Variants in RADIL observed in about 807,000 individuals in gnomAD.
RADIL encodes the protein Rap associating with DIL domain.
RADIL carries 99 observed loss-of-function variants against 97.6 expected under a neutral mutation model. The ratio of observed to expected loss-of-function variants is 1.01; its 90% CI spans 0.86 to 1.20. The LOEUF (loss-of-function observed/expected upper bound fraction) is 1.20, where lower values mean the gene tolerates loss of function less well. Ranked by LOEUF, RADIL falls within the 50% of genes most tolerant of loss-of-function variation. The pLI, the probability that RADIL is intolerant of heterozygous loss-of-function variation, is 0.00. For missense variants in RADIL, 1,765 were observed against 1,498.9 expected (o/e 1.18, Z -2.93); for synonymous variants, 803 against 691.8 (o/e 1.16, Z -2.52).
rs56177809 is a variant in RADIL at position 4,847,739 on chromosome 7, C to CAAAAAAAAAAAAAAAAAAAAAAAAAAAAA, written c.536-11135_536-11134insTTTTTTTTTTTTTTTTTTTTTTTTTTTTT. ...TATGCTACGTGAAAAAAGCTAGATG[C>CAAAAAAAAAAAAAAAAAAAAAAAAAAAAA]AAAAAAAAAAAAAAAAAAAAAAAAA... On this transcript the variant is annotated intron_variant, in intron 2 of 14. Transcript: ENST00000399583. 1.3e-4 allele frequency among the ~76,000 whole-genome samples: 3 copies of CAAAAAAAAAAAAAAAAAAAAAAAAAAAAA among 23,794 alleles called. 1 individual carries two copies. Among genetic ancestry groups the CAAAAAAAAAAAAAAAAAAAAAAAAAAAAA allele is most frequent in the Admixed American group, 7.7e-4 (1 of 1,296 alleles). The allele number at this position is 23,794 out of a possible 152,430, so 15.6% of individuals were successfully genotyped here. A position where few individuals can be genotyped will look rare whatever the true frequency, so the allele number is the denominator to read the frequency against.
chr7:4,800,239 A>G lies in RADIL; in HGVS notation c.2914T>C (p.Cys972Arg), dbSNP rs746382490. The part of the protein sequence containing the change: ...SSRSSSTEDF[C>R]YVFTVELERG... ...TCCAGCTCCACCGTGAAGACGTAGCAGAAGTCCTCGGTGCTGGAGCTGCGG... is the reference window on the plus strand; with the variant it reads ...TCCAGCTCCACCGTGAAGACGTAGCGGAAGTCCTCGGTGCTGGAGCTGCGG... The change falls in exon 13 of 15, where the codon TGC becomes CGC. Residue 972 changes from cysteine to arginine, a missense_variant. Cys to Arg is a radical substitution (Grantham distance 180, BLOSUM62 -3). Transcript: ENST00000399583. 10 of 1,596,616 alleles carry G rather than the reference A, an allele frequency of 6.3e-6. No individual in the cohort carries two copies. Among genetic ancestry groups the G allele is most frequent in the Admixed American group, 3.5e-5 (2 of 57,178 alleles).
chr7:4,835,367 T>TG lies in RADIL; in HGVS notation c.784-129dup. The TG allele has an allele frequency of 8.1e-7, 1 of 1,230,008 alleles. No individual in the cohort carries two copies. Among genetic ancestry groups the TG allele is most frequent in the African/African-American group, 1.5e-5 (1 of 67,154 alleles). 76.2% of individuals were successfully genotyped at this position (1,230,008 alleles called of 1,614,324 possible). On this transcript the variant is annotated intron_variant, in intron 3 of 14. Transcript: ENST00000399583. This position sits in a 1 kb window ranked among gnomAD's most constrained non-coding sequence, Gnocchi z 5.8. ...TGTCGCCACGGGCTCTCCATGTCCC[T>TG]GGCCACCCCCACACCAGAACCCCGA...
Position 4,846,123 on chromosome 7 carries a change from CTTTTT to C in RADIL, c.536-9523_536-9519del, listed in dbSNP as rs548251052. Reference sequence around the variant, plus strand: ...TCTTTTGTTCCAGAGCTACAATCTTCTTTTTTTTTTTTTTTTTTTTTTAAAGAGAC... The same window carrying C: ...TCTTTTGTTCCAGAGCTACAATCTTCTTTTTTTTTTTTTTTTTAAAGAGAC... On this transcript the variant is annotated intron_variant, in intron 2 of 14. Coordinates refer to ENST00000399583, the MANE Select transcript of RADIL (RefSeq NM_018059.5). Among the ~76,000 whole-genome samples, 1,176 of 143,578 alleles carry C rather than the reference CTTTTT, an allele frequency of 8.2e-3. 20 individuals carry two copies. Among genetic ancestry groups the C allele is most frequent in the African/African-American group, 0.023 (934 of 39,934 alleles). The allele number at this position is 143,578 out of a possible 152,430, so 94.2% of individuals were successfully genotyped here.
chr7:4,799,575 TC>T, intron 14 of RADIL, 54 bp downstream of exon 14: 1 of 1,607,080 alleles, frequency 6.2e-7, no homozygotes, highest in Non-Finnish European at 8.5e-7. Context: ...CCAGGTCCAC[TC>T]CCCTGAGCAG....
Position 4,857,934 on chromosome 7 carries a change from T to C in RADIL, c.535+19671A>G, listed in dbSNP as rs188215866. On this transcript the variant is annotated intron_variant, in intron 2 of 14. Transcript: ENST00000399583. ...AAAAAGTCCCAAGGTTCCAGCTTGG[T>C]AAAACAGACACAGTTACAGGTAATG... 1.8e-4 allele frequency: 27 copies of C among 152,736 alleles called. No homozygotes were observed. In the East Asian group the frequency reaches 4.6e-3, roughly 26 times the overall value. 9.5% of individuals were successfully genotyped at this position (152,736 alleles called of 1,614,324 possible). A position where few individuals can be genotyped will look rare whatever the true frequency, so the allele number is the denominator to read the frequency against.
In RADIL at chr7:4,867,615, A is replaced by G. The variant is rs1470523452; in HGVS notation, c.535+9990T>C. On this transcript the variant is annotated intron_variant, in intron 2 of 14. Transcript: ENST00000399583. This position sits in a 1 kb window ranked among gnomAD's most constrained non-coding sequence, Gnocchi z 4.1. ...GGCAACATAGTGAGGCCCTGTCTCTATTTTTAAAATAAATAAGTAAATAAA... is the reference window on the plus strand; with the variant it reads ...GGCAACATAGTGAGGCCCTGTCTCTGTTTTTAAAATAAATAAGTAAATAAA... Among the ~76,000 whole-genome samples the G allele has an allele frequency of 2.0e-5, 3 of 151,426 alleles. No individual in the cohort carries two copies. Among genetic ancestry groups the G allele is most frequent in the African/African-American group, 7.4e-5 (3 of 40,744 alleles).
intron 2 of RADIL, among the ~76,000 whole-genome samples, chr7:4,856,410 T>C (rs1028113200): frequency 3.9e-5 from 6 of 152,228 alleles, no homozygotes; most frequent in African/African-American, 1.2e-4. Context: ...GCACCCGGCC[T>C]GTTGATCTTT....
At chr7:4,875,258 G>GC (rs1784348908) in intron 2 of RADIL, among the ~76,000 whole-genome samples, 2 of 131,840 alleles carry the variant, frequency 1.5e-5, no homozygotes, top group African/African-American at 7.5e-5. Flanking sequence ...GGGCGTGGTG[G>GC]TGGTGCATGC....
chr7:4,835,546 C>T lies in RADIL; in HGVS notation c.784-307G>A, dbSNP rs189530380. 2.2e-4 allele frequency among the ~76,000 whole-genome samples: 34 copies of T among 152,286 alleles called. No homozygotes were observed. In the East Asian group the frequency reaches 5.6e-3, roughly 25 times the overall value. ...GGGAAACAGGCACTGGTTCTACAGA[C>T]CGGGCCAAGGACTACATAACTTCCC... On this transcript the variant is annotated intron_variant, in intron 3 of 14. Transcript: ENST00000399583. The surrounding 1 kb of genome is among the most constrained non-coding windows in gnomAD (Gnocchi z 5.8).
chr7:4,873,336 CACAT>C lies in RADIL; in HGVS notation c.535+4265_535+4268del, dbSNP rs1784297695. Among the ~76,000 whole-genome samples, 1 of 152,228 alleles carries C rather than the reference CACAT, an allele frequency of 6.6e-6. No homozygotes were observed. Among genetic ancestry groups the C allele is most frequent in the African/African-American group, 2.4e-5 (1 of 41,460 alleles). The stretch of plus-strand genomic sequence containing the variant: ...TCGTTAACACAAACGTACATGGTCA[CACAT>C]GCATGCACACACATGCACACCACAC... On this transcript the variant is annotated intron_variant, in intron 2 of 14. Transcript: ENST00000399583. The surrounding 1 kb of genome is among the most constrained non-coding windows in gnomAD (Gnocchi z 4.3).
At chr7:4,864,286 C>G (rs543259228) in intron 2 of RADIL, among the ~76,000 whole-genome samples, 1 of 152,252 alleles carries the variant, frequency 6.6e-6, no homozygotes, top group African/African-American at 2.4e-5. Context: ...GGCCAGTCCT[C>G]AGTCAAATTT....
At position 4,873,497 on chromosome 7, in the gene RADIL, G is replaced by A. The variant is rs146315164; in HGVS notation, c.535+4108C>T. 2.0e-5 allele frequency among the ~76,000 whole-genome samples: 3 copies of A among 152,294 alleles called. No individual in the cohort carries two copies. Among genetic ancestry groups the A allele is most frequent in the South Asian group, 2.1e-4 (1 of 4,830 alleles). On this transcript the variant is annotated intron_variant, in intron 2 of 14. Transcript: ENST00000399583. The surrounding 1 kb of genome is among the most constrained non-coding windows in gnomAD (Gnocchi z 4.3). The stretch of plus-strand genomic sequence containing the variant: ...CACCAGGGATCAGGGACAGCCCCAC[G>A]CTGGGTCCTCTTGGGAGAGAATGCA...
chr7:4,816,829 C>A (rs934415946), intron 7 of RADIL, among the ~76,000 whole-genome samples: 3 of 152,154 alleles, frequency 2.0e-5, no homozygotes, highest in Admixed American at 6.5e-5. Flanking sequence ...GCTCACCGCA[C>A]CCCCGATGCA....
intron 4 of RADIL, among the ~76,000 whole-genome samples, chr7:4,832,741 CAAAA>C (rs71032992): frequency 6.0e-5 from 4 of 66,510 alleles, no homozygotes; most frequent in Non-Finnish European, 8.3e-5. Context: ...TCCGTCTCAG[CAAAA>C]AAAAAAAAAA....
At chr7:4,851,902 G>A (rs935236801) in intron 2 of RADIL, among the ~76,000 whole-genome samples, 2 of 152,220 alleles carry the variant, frequency 1.3e-5, no homozygotes, top group Non-Finnish European at 2.9e-5. Context: ...AACCCAGGAA[G>A]ACCAAAAGGT....
At chr7:4,877,527 A>T (rs1355077128) in intron 2 of RADIL, 78 bp downstream of exon 2, 39 of 1,484,996 alleles carry the variant, frequency 2.6e-5, no homozygotes, top group African/African-American at 5.6e-5. Flanking sequence ...CCCCTGCACC[A>T]CTCCTTCTCC....
intron 2 of RADIL, among the ~76,000 whole-genome samples, chr7:4,866,985 C>CT (rs375675812): frequency 2.5e-3 from 386 of 152,324 alleles, no homozygotes; most frequent in African/African-American, 8.9e-3. Context: ...AGGTTTCCCT[C>CT]TTTGCACCTG....
intron 2 of RADIL, chr7:4,861,892 CG>C (rs982804503): frequency 9.7e-7 from 1 of 1,029,478 alleles, no homozygotes; most frequent in Non-Finnish European, 1.3e-6. Context: ...TCCGCTGAGG[CG>C]GAAGGGCAGG....
At position 4,803,575 on chromosome 7, in the gene RADIL, T is replaced by TA; in HGVS notation, c.2469_2470insT (p.Ser824Ter). The TA allele has an allele frequency of 6.5e-7, 1 of 1,545,262 alleles. No individual in the cohort carries two copies. The highest frequency in any genetic ancestry group is 8.7e-7 in the Non-Finnish European group (1 of 1,144,976). On this transcript the variant is annotated frameshift_variant, in exon 11 of 15. Transcript: ENST00000399583. LOFTEE classifies it high-confidence loss of function. ...GGGCACACTGGCTGGGAGGCCCCAC[T>TA]GCCAGGCCTGCCAGGGCTGCCGGGG...
Sources: allele counts gnomAD v4.1 joint callset (sites outside exome capture counted in the v4.1 genomes callset), GRCh38; gene constraint gnomAD v4.1.1; non-coding constraint Gnocchi (gnomAD v3.1); transcripts MANE v1.5; gene names NCBI Gene and HGNC (gene_info 2026-07-23, HGNC 2026-07-21).